The following MEI4 variants were observed in gnomAD, a reference collection of about 807,000 sequenced individuals.
MEI4 encodes the protein meiotic double-stranded break formation protein 4.
A neutral mutation model predicts 31.4 loss-of-function variants in MEI4; 27 were observed. That is an observed-to-expected ratio of 0.86 (90% CI 0.63 to 1.19). The LOEUF is 1.19. MEI4 is among the 50% of genes most tolerant of loss of function. The probability of loss-of-function intolerance (pLI) is 0.00; values close to 1 mark genes in which losing one functional copy is unlikely to be tolerated. For synonymous variants in MEI4, 122 were observed against 145.4 expected, an observed-to-expected ratio of 0.84 and a Z score of 1.16; for missense variants, 329 against 398.9, an observed-to-expected ratio of 0.82 and a Z score of 1.49.
At chr6:77,700,556 G>A (rs1766192377) in intron 2 of MEI4, among the ~76,000 whole-genome samples, 1 of 152,216 alleles carries the variant, frequency 6.6e-6, no homozygotes, top group African/African-American at 2.4e-5. Context: ...GTGAGGCAGT[G>A]CCTTGCCCTG....
chr6:77,702,844 C>T (rs556818532), intron 2 of MEI4, among the ~76,000 whole-genome samples: 1 of 152,256 alleles, frequency 6.6e-6, no homozygotes, highest in Admixed American at 6.5e-5. Context: ...TTGCTCAGCC[C>T]CAGTTTTTTA....
chr6:77,774,936 A>G (rs1328909656), intron 3 of MEI4, among the ~76,000 whole-genome samples: 1 of 152,096 alleles, frequency 6.6e-6, no homozygotes, highest in Non-Finnish European at 1.5e-5. Flanking sequence ...ACAGGGCCAC[A>G]TATCTTCCTG....
At chr6:77,816,362 C>T (rs887962307) in intron 3 of MEI4, among the ~76,000 whole-genome samples, 1 of 152,072 alleles carries the variant, frequency 6.6e-6, no homozygotes, top group African/African-American at 2.4e-5. Context: ...ATCGATAGTA[C>T]ACGGGCATAG....
At chr6:77,655,611 AT>A (rs1458912705) in intron 1 of MEI4, among the ~76,000 whole-genome samples, 4 of 152,138 alleles carry the variant, frequency 2.6e-5, no homozygotes, top group East Asian at 1.9e-4. Context: ...TAGTTTACAA[AT>A]TTTAGATATT....
intron 2 of MEI4, among the ~76,000 whole-genome samples, chr6:77,720,803 G>A (rs1360406698): frequency 1.6e-5 from 1 of 63,736 alleles, no homozygotes. Flanking sequence ...AAATTAGTGT[G>A]TGCTCGAATA....
At chr6:77,803,866 T>G (rs1421659710) in intron 3 of MEI4, among the ~76,000 whole-genome samples, 8 of 152,038 alleles carry the variant, frequency 5.3e-5, no homozygotes, top group Admixed American at 2.0e-4. Flanking sequence ...GCCATGTGAG[T>G]TGTCAGTCTG....
chr6:77,682,607 T>C (rs1418472779), intron 1 of MEI4, among the ~76,000 whole-genome samples: 1 of 152,160 alleles, frequency 6.6e-6, no homozygotes, highest in Non-Finnish European at 1.5e-5. Flanking sequence ...GACCAAGGCT[T>C]ACTGATGAGA....
At chr6:77,745,291 G>C (rs1267768640) in intron 2 of MEI4, among the ~76,000 whole-genome samples, 1 of 151,444 alleles carries the variant, frequency 6.6e-6, no homozygotes, top group Non-Finnish European at 1.5e-5. Flanking sequence ...CAAGCAAATG[G>C]AAAACAAAAA....
intron 1 of MEI4, among the ~76,000 whole-genome samples, chr6:77,685,551 G>C (rs942079579): frequency 6.6e-6 from 1 of 151,916 alleles, no homozygotes; most frequent in African/African-American, 2.4e-5. Context: ...ATTTAAGTTT[G>C]ATGCAATCCC....
At chr6:77,747,096 G>C (rs892279626) in intron 2 of MEI4, among the ~76,000 whole-genome samples, 1 of 152,092 alleles carries the variant, frequency 6.6e-6, no homozygotes, top group Non-Finnish European at 1.5e-5. Context: ...CAGATCACCT[G>C]ATATCAGGAG....
chr6:77,868,508 T>TATATATATATAC lies in MEI4; in HGVS notation c.900+39457_900+39458insCATATATATATA, dbSNP rs1348902009. ...TTCCATGTAAAAAATACTACATATATATATATATATATATATATATGCAGA... is the reference window on the plus strand; with the variant it reads ...TTCCATGTAAAAAATACTACATATATATATATATATACATATATATATATATATATATGCAGA... On this transcript the variant is annotated intron_variant, in intron 4 of 4. Coordinates refer to ENST00000684080, the MANE Select transcript of MEI4 (RefSeq NM_001322247.2). Among the ~76,000 whole-genome samples the TATATATATATAC allele has an allele frequency of 4.1e-5, 5 of 121,732 alleles. 1 individual carries two copies. The highest frequency in any genetic ancestry group is 6.7e-5 in the African/African-American group (2 of 29,906). The allele number at this position is 121,732 out of a possible 152,430, so 79.9% of individuals were successfully genotyped here. A position where few individuals can be genotyped will look rare whatever the true frequency, so the allele number is the denominator to read the frequency against.
At chr6:77,696,972 ACTT>A (rs1766065541) in intron 2 of MEI4, among the ~76,000 whole-genome samples, 1 of 152,250 alleles carries the variant, frequency 6.6e-6, no homozygotes, top group Admixed American at 6.5e-5. Flanking sequence ...GAGAGATTCA[ACTT>A]CTTCTTGGTT....
At chr6:77,732,504 C>T (rs1186043053) in intron 2 of MEI4, among the ~76,000 whole-genome samples, 1 of 151,682 alleles carries the variant, frequency 6.6e-6, no homozygotes, top group Non-Finnish European at 1.5e-5. Context: ...GCTGAAGTTG[C>T]TTATCAGCTT....
At chr6:77,870,653 T>C (rs1771168362) in intron 4 of MEI4, among the ~76,000 whole-genome samples, 1 of 152,202 alleles carries the variant, frequency 6.6e-6, no homozygotes, top group Non-Finnish European at 1.5e-5. Context: ...CCATTCAAAC[T>C]GTTTACAAAC....
chr6:77,761,705 A>G, intron 3 of MEI4, 40 bp downstream of exon 3: 3 of 1,172,294 alleles, frequency 2.6e-6, no homozygotes, highest in Non-Finnish European at 3.2e-6. Context: ...AAATGCTAGT[A>G]ATTTTAGTGA....
intron 4 of MEI4, among the ~76,000 whole-genome samples, chr6:77,866,402 G>A (rs1423810513): frequency 1.3e-5 from 2 of 152,166 alleles, no homozygotes; most frequent in African/African-American, 2.4e-5. Context: ...CAAAATCAAT[G>A]TACAAAAGTC....
At chr6:77,716,886 A>C in intron 2 of MEI4, 1 of 982,354 alleles carries the variant, frequency 1.0e-6, no homozygotes, top group Non-Finnish European at 1.2e-6. Flanking sequence ...ATGACTGTCC[A>C]TTTAAGTGAC....
At chr6:77,816,120 A>C (rs1340965997) in intron 3 of MEI4, among the ~76,000 whole-genome samples, 1 of 152,150 alleles carries the variant, frequency 6.6e-6, no homozygotes, top group African/African-American at 2.4e-5. Context: ...GTCCAGAAGG[A>C]AAGCACTATA....
chr6:77,910,568 T>C (rs1766410284), intron 4 of MEI4, among the ~76,000 whole-genome samples: 1 of 152,086 alleles, frequency 6.6e-6, no homozygotes, highest in Non-Finnish European at 1.5e-5. Context: ...TACAAACAAA[T>C]GGAAGAACAT....
Sources: allele counts gnomAD v4.1 joint callset (sites outside exome capture counted in the v4.1 genomes callset), GRCh38; gene constraint gnomAD v4.1.1; transcripts MANE v1.5; gene names NCBI Gene and HGNC (gene_info 2026-07-23, HGNC 2026-07-21).